The following SETBP1 variants were observed in gnomAD, a reference collection of about 807,000 sequenced individuals.
SETBP1 encodes SET binding protein 1.
SETBP1 carries 9 observed loss-of-function variants against 101.0 expected under a neutral mutation model. The ratio of observed to expected loss-of-function variants is 0.09; its 90% CI spans 0.05 to 0.16. The LOEUF is 0.16. Ranked by LOEUF, SETBP1 falls within the 10% of genes least tolerant of loss-of-function variation. The pLI is 1.00. For missense variants in SETBP1, 1,858 were observed against 2,033.8 expected, an observed-to-expected ratio of 0.91 and a Z score of 1.66; for synonymous variants, 818 against 788.5, an observed-to-expected ratio of 1.04 and a Z score of -0.63.
rs1271685496 is a variant in SETBP1 at position 44,951,116 on chromosome 18, G to A, written c.1776G>A (p.Lys592=). ...PVKKKRGRPK[K]QPLLTVETIH... ...AAAAGAAGCGGGGACGACCAAAGAAGCAGCCTTTGCTCACAGTCGAGACGA... is the reference window on the plus strand; with the variant it reads ...AAAAGAAGCGGGGACGACCAAAGAAACAGCCTTTGCTCACAGTCGAGACGA... The change falls in exon 4 of 6, where the codon AAG becomes AAA. Residue 592 remains lysine, a synonymous_variant. Coordinates refer to ENST00000649279, the MANE Select transcript of SETBP1 (RefSeq NM_015559.3). This position sits in a 1 kb window ranked among gnomAD's most constrained non-coding sequence, Gnocchi z 7.8. 1.2e-6 allele frequency: 2 copies of A among 1,614,070 alleles called. No individual in the cohort carries two copies. Among genetic ancestry groups the A allele is most frequent in the Non-Finnish European group, 1.7e-6 (2 of 1,180,018 alleles).
rs148580248 is a variant in SETBP1, at chr18:44,920,374, C to T, written c.541-29507C>T. The stretch of plus-strand genomic sequence containing the variant: ...CATTTAAACCACTGCCCTACTCATC[C>T]GTGTATCCTAGAATGGGATCTGGCA... On this transcript the variant is annotated intron_variant, in intron 3 of 5. Coordinates refer to ENST00000649279, the MANE Select transcript of SETBP1 (RefSeq NM_015559.3). 4.8e-3 allele frequency among the ~76,000 whole-genome samples: 738 copies of T among 152,238 alleles called. 5 individuals are homozygous for T. Among genetic ancestry groups the T allele is most frequent in the African/African-American group, 0.017 (691 of 41,542 alleles).
chr18:44,752,086 A>G (rs1220515237), intron 2 of SETBP1, among the ~76,000 whole-genome samples: 2 of 152,226 alleles, frequency 1.3e-5, no homozygotes, highest in Non-Finnish European at 2.9e-5. Context: ...GAAGAACACA[A>G]TGACGTCTAT....
At chr18:44,823,276 A>C (rs2072158575) in intron 2 of SETBP1, among the ~76,000 whole-genome samples, 1 of 152,260 alleles carries the variant, frequency 6.6e-6, no homozygotes, top group Admixed American at 6.5e-5. Context: ...ATTTAACAGA[A>C]TAAAAAGAAA....
At chr18:44,722,482 C>G (rs904472771) in intron 2 of SETBP1, among the ~76,000 whole-genome samples, 1 of 152,134 alleles carries the variant, frequency 6.6e-6, no homozygotes, top group South Asian at 2.1e-4. Context: ...TATTTGCTAC[C>G]AATGGATCCT....
chr18:44,707,291 A>C (rs1307798916), intron 2 of SETBP1, among the ~76,000 whole-genome samples: 3 of 152,252 alleles, frequency 2.0e-5, no homozygotes, highest in African/African-American at 7.2e-5. Flanking sequence ...ATAATCTGCC[A>C]CATTTTCCCT....
At chr18:44,680,563 G>T (rs977616421), upstream of SETBP1, among the ~76,000 whole-genome samples, 3 of 152,146 alleles carry the variant, frequency 2.0e-5, no homozygotes, top group Non-Finnish European at 4.4e-5. Context: ...GGGGGAGACC[G>T]GGCCGAGGGG....
intron 4 of SETBP1, among the ~76,000 whole-genome samples, chr18:44,977,649 A>G (rs2072020262): frequency 6.6e-6 from 1 of 152,234 alleles, no homozygotes; most frequent in Non-Finnish European, 1.5e-5. Context: ...TTTCCTTGGT[A>G]GAAGTTACAA....
At chr18:44,924,062 A>G (rs1352127260) in intron 3 of SETBP1, among the ~76,000 whole-genome samples, 3 of 152,060 alleles carry the variant, frequency 2.0e-5, no homozygotes, top group Non-Finnish European at 4.4e-5. Flanking sequence ...AAATCCCTAC[A>G]GTCATCTTTT....
rs1265718511 is a variant in SETBP1, at chr18:44,952,468, C to T, written c.3128C>T (p.Pro1043Leu). The change falls in exon 4 of 6, where the codon CCC becomes CTC. Residue 1043 changes from proline (P) to leucine (L), a missense_variant. Transcript: ENST00000649279. Reference sequence around the variant, plus strand: ...TTACAAGGGTTCAGCTACCCTATTCCCAGTGGAAGTTACTATGCACCCTAT... The same window carrying T: ...TTACAAGGGTTCAGCTACCCTATTCTCAGTGGAAGTTACTATGCACCCTAT... The part of the protein sequence containing the change: ...PFLQGFSYPI[P>L]SGSYYAPYGM... 6.2e-7 allele frequency: 1 copy of T among 1,614,054 alleles called. No homozygotes were observed.
At chr18:44,739,522 T>A (rs956184612) in intron 2 of SETBP1, among the ~76,000 whole-genome samples, 1 of 152,192 alleles carries the variant, frequency 6.6e-6, no homozygotes, top group Admixed American at 6.5e-5. Context: ...TTTCAAGATA[T>A]GTTTTAATAA....
At chr18:45,037,279 T>C (rs2073416242) in intron 4 of SETBP1, among the ~76,000 whole-genome samples, 3 of 152,164 alleles carry the variant, frequency 2.0e-5, no homozygotes, top group African/African-American at 7.2e-5. Flanking sequence ...TTAGAGAGCC[T>C]TGTTTTTGCA....
In SETBP1 at chr18:44,872,361, C is replaced by T. The variant is rs78366582; in HGVS notation, c.540+3078C>T. Among the ~76,000 whole-genome samples the T allele has an allele frequency of 5.2e-3, 798 of 152,046 alleles. 8 individuals carry two copies. The highest frequency in any genetic ancestry group is 0.018 in the African/African-American group (739 of 41,468). On this transcript the variant is annotated intron_variant, in intron 3 of 5. Coordinates refer to ENST00000649279, the MANE Select transcript of SETBP1 (RefSeq NM_015559.3). Reference sequence around the variant, plus strand: ...AATGACATTTTGGGGTATAGTCTTCCGATCTTTGTTCTACATAGACACACA... The same window carrying T: ...AATGACATTTTGGGGTATAGTCTTCTGATCTTTGTTCTACATAGACACACA...
intron 2 of SETBP1, among the ~76,000 whole-genome samples, chr18:44,748,241 G>A (rs899884212): frequency 2.6e-5 from 4 of 152,168 alleles, no homozygotes; most frequent in Non-Finnish European, 5.9e-5. Context: ...TGCTCTCAAG[G>A]ATCCTCATGC....
intron 2 of SETBP1, among the ~76,000 whole-genome samples, chr18:44,830,747 C>T (rs2072345123): frequency 6.6e-6 from 1 of 152,156 alleles, no homozygotes. Context: ...GAAAACCACA[C>T]ACAAGTTTTA....
chr18:44,684,756 C>T (rs542695176), intron 1 of SETBP1, among the ~76,000 whole-genome samples: 4 of 152,158 alleles, frequency 2.6e-5, no homozygotes, highest in African/African-American at 4.8e-5. Flanking sequence ...AAGTGATTCT[C>T]CTGCCTCAGC....
intron 3 of SETBP1, among the ~76,000 whole-genome samples, chr18:44,941,076 A>AATTTTTTTTTTTTTTTTTTTTTTTT (rs1568228554): frequency 8.0e-6 from 1 of 124,940 alleles, no homozygotes; most frequent in African/African-American, 2.9e-5. Context: ...GAGAAGTCAG[A>AATTTTTTTTTTTTTTTTTTTTTTTT]CTTTTTTTTT....
At chr18:44,993,474 T>A (rs2072424350) in intron 4 of SETBP1, among the ~76,000 whole-genome samples, 1 of 151,850 alleles carries the variant, frequency 6.6e-6, no homozygotes. Context: ...ATACAGAAAA[T>A]CCTTTTGATA....
chr18:44,754,773 T>C (rs1219172445), intron 2 of SETBP1, among the ~76,000 whole-genome samples: 2 of 152,244 alleles, frequency 1.3e-5, no homozygotes, highest in African/African-American at 4.8e-5. Context: ...CTCTGTCTAC[T>C]GGACTTGCAT....
intron 1 of SETBP1, among the ~76,000 whole-genome samples, chr18:44,685,896 A>G (rs966420245): frequency 1.3e-5 from 2 of 152,346 alleles, no homozygotes; most frequent in Admixed American, 6.5e-5. Flanking sequence ...TTGAGGCTCA[A>G]AGTCTCAGGT....
Sources: allele counts gnomAD v4.1 joint callset (sites outside exome capture counted in the v4.1 genomes callset), GRCh38; gene constraint gnomAD v4.1.1; non-coding constraint Gnocchi (gnomAD v3.1); transcripts MANE v1.5; gene names NCBI Gene and HGNC (gene_info 2026-07-23, HGNC 2026-07-21).